CTNNA2: variants seen among roughly 807,000 people sequenced by gnomAD.
CTNNA2 encodes the protein catenin alpha-2.
Under a neutral mutation model 101.0 loss-of-function variants are expected in CTNNA2, and 42 were observed. The observed-to-expected ratio is 0.42, with a 90% confidence interval of 0.32 to 0.54. CTNNA2 has a LOEUF of 0.54. CTNNA2 is among the 20% of genes least tolerant of loss of function. CTNNA2 has a pLI of 0.14. For synonymous variants in CTNNA2, 450 were observed against 456.4 expected (o/e 0.99, Z 0.18); for missense variants, 871 against 1,223.1 (o/e 0.71, Z 4.29).
intron 2 of CTNNA2, among the ~76,000 whole-genome samples, chr2:79,716,986 G>A (rs1326875159): frequency 6.6e-6 from 1 of 151,210 alleles, no homozygotes; most frequent in Non-Finnish European, 1.5e-5. Flanking sequence ...GTAATAAGAA[G>A]TCATAGGGGA....
intron 7 of CTNNA2, among the ~76,000 whole-genome samples, chr2:79,974,662 G>T (rs1007181591): frequency 3.3e-5 from 5 of 152,162 alleles, no homozygotes; most frequent in African/African-American, 1.2e-4. Context: ...GATATAGGTT[G>T]AAGGGTCAGG....
At chr2:79,305,428 GCAGATTTGATC>G (rs966491972) in intron 2 of CTNNA2, among the ~76,000 whole-genome samples, 5 of 149,444 alleles carry the variant, frequency 3.3e-5, no homozygotes, top group Non-Finnish European at 7.4e-5. Flanking sequence ...GTGCACAGAT[GCAGATTTGATC>G]CTGATCCTAG....
At chr2:80,313,467 T>C in intron 7 of CTNNA2, 2 of 1,532,230 alleles carry the variant, frequency 1.3e-6, no homozygotes, top group Non-Finnish European at 8.8e-7. Flanking sequence ...ATATTATTCA[T>C]GCTATGGCAG....
At chr2:79,853,654 T>C (rs1034820424) in intron 3 of CTNNA2, among the ~76,000 whole-genome samples, 21 of 142,896 alleles carry the variant, frequency 1.5e-4, no homozygotes, top group Non-Finnish European at 1.2e-4. Flanking sequence ...TTTTCTTTTT[T>C]CCTTTTATTA....
At chr2:79,292,596 A>C (rs1464260845) in intron 2 of CTNNA2, among the ~76,000 whole-genome samples, 2 of 152,198 alleles carry the variant, frequency 1.3e-5, no homozygotes, top group South Asian at 4.1e-4. Context: ...GGTTAAGTAC[A>C]AGTACCCCAT....
Position 79,201,482 on chromosome 2 carries a change from A to G in CTNNA2, c.-406+3406A>G, listed in dbSNP as rs147849953. Among the ~76,000 whole-genome samples the G allele has an allele frequency of 9.1e-3, 1,392 of 152,278 alleles. 13 individuals carry two copies. The highest frequency in any genetic ancestry group is 0.014 in the Non-Finnish European group (963 of 68,020). The stretch of plus-strand genomic sequence containing the variant: ...TTGGAAATGAGCTCGAATTCCAGAA[A>G]GAAGTTACCTGCCTTCCATTGTCGT... On this transcript the variant is annotated intron_variant, in intron 2 of 21. Transcript: ENST00000466387.
chr2:80,623,682 C>G (rs746049494), intron 18 of CTNNA2, among the ~76,000 whole-genome samples: 3 of 151,786 alleles, frequency 2.0e-5, no homozygotes, highest in African/African-American at 4.8e-5. Context: ...GGCCATGTTG[C>G]AAAAACTTCT....
chr2:79,979,117 G>A (rs1691074222), intron 7 of CTNNA2, among the ~76,000 whole-genome samples: 1 of 152,120 alleles, frequency 6.6e-6, no homozygotes, highest in Non-Finnish European at 1.5e-5. Flanking sequence ...CGGACACAGT[G>A]GCTCAAGCCT....
intron 4 of CTNNA2, among the ~76,000 whole-genome samples, chr2:79,427,309 G>A (rs11126727): frequency 0.32 from 48,348 of 151,720 alleles, 7,839 homozygotes; most frequent in South Asian, 0.44. Context: ...CCTATCAGAA[G>A]TTGGTTCTCA....
intron 1 of CTNNA2, among the ~76,000 whole-genome samples, chr2:79,526,926 G>A (rs1227892076): frequency 6.6e-6 from 1 of 152,100 alleles, no homozygotes; most frequent in African/African-American, 2.4e-5. Context: ...CTTGGATTAG[G>A]CATTGGTTTC....
At chr2:79,346,638 T>A (rs1379564713) in intron 3 of CTNNA2, among the ~76,000 whole-genome samples, 1 of 152,212 alleles carries the variant, frequency 6.6e-6, no homozygotes, top group Non-Finnish European at 1.5e-5. Context: ...GGAAGATATT[T>A]CCTAATTGAT....
intron 7 of CTNNA2, among the ~76,000 whole-genome samples, chr2:80,347,463 A>G (rs1460878031): frequency 6.6e-6 from 1 of 152,180 alleles, no homozygotes; most frequent in Non-Finnish European, 1.5e-5. Flanking sequence ...GAATGTCATC[A>G]CCAGGGGAGA....
intron 17 of CTNNA2, among the ~76,000 whole-genome samples, chr2:80,616,269 A>T (rs998695324): frequency 4.0e-5 from 6 of 151,688 alleles, no homozygotes; most frequent in African/African-American, 1.4e-4. Context: ...TGTATGTGAG[A>T]CGCTACCATA....
rs1558698023 is a variant in CTNNA2 at position 79,982,363 on chromosome 2, T to TAA, written c.1056+72567_1056+72568dup. The stretch of plus-strand genomic sequence containing the variant: ...ACATATATAACCTATATAACCTATA[T>TAA]AACATATATATAACATATATAACAT... On this transcript the variant is annotated intron_variant, in intron 7 of 18. Coordinates refer to ENST00000402739, the MANE Select transcript of CTNNA2 (RefSeq NM_001282597.3). Among the ~76,000 whole-genome samples, 14 of 136,010 alleles carry TAA rather than the reference T, an allele frequency of 1.0e-4. No homozygotes were observed. The East Asian group carries it at 2.1e-3, about 20-fold the overall frequency. The allele number at this position is 136,010 out of a possible 152,430, so 89.2% of individuals were successfully genotyped here.
At chr2:80,402,141 T>G (rs1291494611) in intron 8 of CTNNA2, among the ~76,000 whole-genome samples, 2 of 152,128 alleles carry the variant, frequency 1.3e-5, no homozygotes, top group Non-Finnish European at 2.9e-5. Context: ...ACTGCACACT[T>G]TTACCTATTT....
chr2:79,290,971 A>T (rs1364332120), intron 2 of CTNNA2, among the ~76,000 whole-genome samples: 1 of 152,120 alleles, frequency 6.6e-6, no homozygotes, highest in East Asian at 1.9e-4. Context: ...ATACACGCCC[A>T]CTGGGGCTTC....
chr2:79,296,676 T>C (rs1675987055), intron 2 of CTNNA2, among the ~76,000 whole-genome samples: 1 of 152,182 alleles, frequency 6.6e-6, no homozygotes. Context: ...AACACATTTA[T>C]AGAAAAGAGA....
At chr2:80,642,189 T>C (rs1673569325) in intron 18 of CTNNA2, among the ~76,000 whole-genome samples, 1 of 152,140 alleles carries the variant, frequency 6.6e-6, no homozygotes, top group South Asian at 2.1e-4. Context: ...AGAATTGTCC[T>C]TCCTCGTCAC....
intron 11 of CTNNA2, among the ~76,000 whole-genome samples, chr2:80,547,952 A>T (rs139399803): frequency 6.6e-6 from 1 of 152,016 alleles, no homozygotes; most frequent in Admixed American, 6.5e-5. Flanking sequence ...TTGGTCTCCC[A>T]AAGTGCTGGT....
Sources: allele counts gnomAD v4.1 joint callset (sites outside exome capture counted in the v4.1 genomes callset), GRCh38; gene constraint gnomAD v4.1.1; transcripts MANE v1.5; gene names NCBI Gene and HGNC (gene_info 2026-07-23, HGNC 2026-07-21).